PFKM: variants seen among roughly 807,000 people sequenced by gnomAD.
PFKM encodes the protein phosphofructokinase, muscle, also known as ATP-dependent 6-phosphofructokinase, muscle type.
Under a neutral mutation model 95.5 loss-of-function variants are expected in PFKM, and 58 were observed. That is an observed-to-expected ratio of 0.61 (90% CI 0.49 to 0.76). PFKM has a LOEUF of 0.76. PFKM is among the 30% of genes least tolerant of loss of function. The pLI is 0.00. For synonymous variants in PFKM, 336 were observed against 357.2 expected, an observed-to-expected ratio of 0.94 and a Z score of 0.67; for missense variants, 678 against 1,005.4, an observed-to-expected ratio of 0.67 and a Z score of 4.40.
At chr12:48,142,091 T>C (rs1423848187) in intron 17 of PFKM, 25 bp downstream of exon 17, 1 of 1,611,584 alleles carries the variant, frequency 6.2e-7, no homozygotes, top group Non-Finnish European at 8.5e-7. Context: ...CCACTTCCCA[T>C]CCCTTTTGGC....
upstream of PFKM, chr12:48,118,501 A>T: frequency 6.6e-7 from 1 of 1,510,264 alleles, no homozygotes; most frequent in Non-Finnish European, 8.9e-7. Flanking sequence ...AGGTAGAGAT[A>T]CAAGTAAGCA....
intron 10 of PFKM, among the ~76,000 whole-genome samples, chr12:48,136,865 G>A (rs1399325025): frequency 2.0e-5 from 3 of 148,512 alleles, no homozygotes; most frequent in Middle Eastern, 3.5e-3. Flanking sequence ...GGGATTCTCC[G>A]GCCTCAGCCT....
At chr12:48,116,324 C>G (rs1037472256), upstream of PFKM, among the ~76,000 whole-genome samples, 6 of 150,972 alleles carry the variant, frequency 4.0e-5, no homozygotes, top group Non-Finnish European at 8.9e-5. Context: ...TTGATAATAG[C>G]CATCCTAATG....
intron 10 of PFKM, among the ~76,000 whole-genome samples, chr12:48,136,683 G>A (rs1950115727): frequency 6.8e-6 from 1 of 147,102 alleles, no homozygotes; most frequent in Non-Finnish European, 1.5e-5. Flanking sequence ...CAGCATTTGG[G>A]GGTCGTCACT....
In PFKM at chr12:48,141,804, C is replaced by A. The variant is rs1338881568; in HGVS notation, c.1477C>A (p.Leu493Ile). ...TATAACTAAGTTTAACATTCAGGGCCTTGTCATCATTGGGGGCTTTGAGGT... is the reference window on the plus strand; with the variant it reads ...TATAACTAAGTTTAACATTCAGGGCATTGTCATCATTGGGGGCTTTGAGGT... ...ANITKFNIQGLVIIGGFEAYT... is the reference protein window; with the variant it reads ...ANITKFNIQGIVIIGGFEAYT... The change falls in exon 16 of 23, where the codon CTT becomes ATT. Residue 493 changes from leucine to isoleucine, a missense_variant. Leu to Ile is a conservative substitution (Grantham distance 5). Coordinates refer to ENST00000359794, the MANE Select transcript of PFKM (RefSeq NM_000289.6). 1 of 1,613,864 alleles carries A rather than the reference C, an allele frequency of 6.2e-7. No individual in the cohort carries two copies.
At position 48,133,394 on chromosome 12, in the gene PFKM, C is replaced by T. The variant is rs777395109; in HGVS notation, c.507C>T (p.Phe169=). The T allele has an allele frequency of 1.9e-6, 3 of 1,613,932 alleles. No homozygotes were observed. In the South Asian group the frequency reaches 3.3e-5, roughly 18 times the overall value. ...VGLVGSIDND[F]CGTDMTIGTD... Reference sequence around the variant, plus strand: ...TGGTTGGGTCAATTGACAATGACTTCTGTGGCACCGATATGACCATTGGCA... The same window carrying T: ...TGGTTGGGTCAATTGACAATGACTTTTGTGGCACCGATATGACCATTGGCA... The change falls in exon 6 of 23, where the codon TTC becomes TTT. Residue 169 remains phenylalanine (F), a synonymous_variant. Transcript: ENST00000359794.
rs1427698374 is a variant in PFKM, at chr12:48,121,537, T to C, written c.-8-1230T>C. Among the ~76,000 whole-genome samples, 5 of 152,330 alleles carry C rather than the reference T, an allele frequency of 3.3e-5. No homozygotes were observed. The South Asian group carries it at 6.2e-4, about 19-fold the overall frequency. On this transcript the variant is annotated intron_variant, in intron 1 of 22. Coordinates refer to ENST00000359794, the MANE Select transcript of PFKM (RefSeq NM_000289.6). Reference sequence around the variant, plus strand: ...TGGATTTGGGTGTTTATGTGACTTATGTCTCTATAGGCAGCTACCCTGAGT... The same window carrying C: ...TGGATTTGGGTGTTTATGTGACTTACGTCTCTATAGGCAGCTACCCTGAGT...
intron 1 of PFKM, chr12:48,106,268 C>A (rs970087601): frequency 3.3e-6 from 2 of 604,468 alleles, no homozygotes; most frequent in Non-Finnish European, 5.9e-6. Context: ...TTCTCAGTAC[C>A]CTTTTCAGTC....
chr12:48,105,710 T>TA (rs1946492034), upstream of PFKM: 1 of 487,714 alleles, frequency 2.1e-6, no homozygotes, highest in Non-Finnish European at 3.8e-6. Context: ...CAACCGGCCT[T>TA]TCCCCAAGTA....
At chr12:48,120,052 A>G (rs1948092271) in intron 1 of PFKM, 1 of 152,204 alleles carries the variant, frequency 6.6e-6, no homozygotes. Context: ...ATGAGAAGAA[A>G]AAACGGGAGG....
intron 6 of PFKM, 44 bp from the exon 7 acceptor site, chr12:48,134,188 G>T (rs1320673929): frequency 6.4e-7 from 1 of 1,571,562 alleles, no homozygotes; most frequent in South Asian, 1.1e-5. Flanking sequence ...CTTGATCTTG[G>T]CCATAGGGTC....
chr12:48,123,113 G>A (rs1051632459), intron 2 of PFKM, among the ~76,000 whole-genome samples: 1 of 152,174 alleles, frequency 6.6e-6, no homozygotes, highest in African/African-American at 2.4e-5. Context: ...GAACCTAAAA[G>A]AGTGGTGTTT....
intron 3 of PFKM, among the ~76,000 whole-genome samples, chr12:48,113,630 C>G (rs938754226): frequency 4.6e-5 from 7 of 152,220 alleles, no homozygotes; most frequent in Non-Finnish European, 1.0e-4. Flanking sequence ...GGAGGAACAC[C>G]TGGCCGCTGG....
upstream of PFKM, among the ~76,000 whole-genome samples, chr12:48,117,952 T>A (rs1236303265): frequency 6.6e-6 from 1 of 152,184 alleles, no homozygotes; most frequent in Non-Finnish European, 1.5e-5. Flanking sequence ...TTCAAAGATT[T>A]TCTGATTGGA....
chr12:48,134,515 C>T (rs547872342), intron 7 of PFKM, among the ~76,000 whole-genome samples: 1 of 152,352 alleles, frequency 6.6e-6, no homozygotes, highest in Admixed American at 6.5e-5. Context: ...CTGGAAGCCA[C>T]TGTGGCAGGT....
rs151279280 is a variant in PFKM, at chr12:48,122,779, C to T, written c.5C>T (p.Thr2Ile). 1.9e-6 allele frequency: 3 copies of T among 1,613,894 alleles called. No homozygotes were observed. Among genetic ancestry groups the T allele is most frequent in the Non-Finnish European group, 2.5e-6 (3 of 1,179,838 alleles). Residue 2 changes from threonine to isoleucine, a missense_variant, in exon 2 of 23, where the codon ACC becomes ATC. By Grantham distance (89) the Thr-to-Ile change is moderately conservative (BLOSUM62 -1). Transcript: ENST00000359794. ...TCTTAAATTCTAGAGTGGATCATGA[C>T]CCATGAAGAGCACCATGCAGCCAAA... Reference protein sequence around the residue: MTHEEHHAAKTL... With the variant: MIHEEHHAAKTL...
At chr12:48,105,847 C>G, upstream of PFKM, 1 of 599,880 alleles carries the variant, frequency 1.7e-6, no homozygotes, top group South Asian at 2.0e-5. Flanking sequence ...AGCGCGGCCA[C>G]CGGACAGCAG....
intron 4 of PFKM, 51 bp downstream of exon 4, chr12:48,131,444 C>T (rs1487987370): frequency 7.5e-7 from 1 of 1,327,448 alleles, no homozygotes; most frequent in Admixed American, 1.7e-5. Context: ...CTTGTTTCAT[C>T]CCACTCTGTT....
intron 4 of PFKM, 135 bp from the exon 5 acceptor site, chr12:48,132,733 A>G: frequency 1.3e-6 from 1 of 759,240 alleles, no homozygotes; most frequent in Admixed American, 2.0e-5. Context: ...TGGAAGGGAC[A>G]GATCACTCTT....
Sources: allele counts gnomAD v4.1 joint callset (sites outside exome capture counted in the v4.1 genomes callset), GRCh38; gene constraint gnomAD v4.1.1; transcripts MANE v1.5; gene names NCBI Gene and HGNC (gene_info 2026-07-23, HGNC 2026-07-21).